The following CSTF3 variants were observed in gnomAD, a reference collection of about 807,000 sequenced individuals.
The protein encoded by CSTF3 is CF-1 77 kDa subunit.
CSTF3 carries 29 observed loss-of-function variants against 105.8 expected under a neutral mutation model. The observed-to-expected ratio is 0.27, with a 90% CI of 0.20 to 0.37. The LOEUF is 0.37. CSTF3 is among the 10% of genes least tolerant of loss of function. The pLI is 1.00. For synonymous variants in CSTF3, 252 were observed against 281.9 expected (o/e 0.89, Z 1.06); for missense variants, 357 against 879.3 (o/e 0.41, Z 7.51).
chr11:33,085,362 C>CTTTACTTTATAG (rs1564999965), intron 20 of CSTF3, 73 bp from the exon 21 acceptor site: 43 of 1,207,264 alleles, frequency 3.6e-5, no homozygotes, highest in Non-Finnish European at 4.8e-5. Context: ...ACTGTGGATA[C>CTTTACTTTATAG]TTTATTTCAT....
At chr11:33,108,077 AAC>A (rs1403746153) in intron 4 of CSTF3, 77 bp from the exon 5 acceptor site, 41 of 898,968 alleles carry the variant, frequency 4.6e-5, no homozygotes, top group Non-Finnish European at 6.3e-5. Flanking sequence ...GAACATTAAA[AAC>A]ACAAATTCAG....
At chr11:33,144,341 G>A (rs1476531595) in intron 1 of CSTF3, among the ~76,000 whole-genome samples, 4 of 152,060 alleles carry the variant, frequency 2.6e-5, no homozygotes, top group Non-Finnish European at 5.9e-5. Flanking sequence ...TTAAAATTAG[G>A]ATGCTTTCCT....
Position 33,127,175 on chromosome 11 carries a change from T to C in CSTF3, c.225+14492A>G, listed in dbSNP as rs148334621. Among the ~76,000 whole-genome samples, 769 of 152,314 alleles carry C rather than the reference T, an allele frequency of 5.0e-3. 8 individuals are homozygous for C. The highest frequency in any genetic ancestry group is 7.2e-3 in the Non-Finnish European group (487 of 68,014). On this transcript the variant is annotated intron_variant, in intron 3 of 20. Transcript: ENST00000323959. ...GACTTTACTATTAATATGTGGATTA[T>C]CTATCATGCAGACATTATGCACAAA...
chr11:33,102,400 TG>T, intron 9 of CSTF3, 61 bp from the exon 10 acceptor site: 1 of 1,539,508 alleles, frequency 6.5e-7, no homozygotes, highest in East Asian at 2.2e-5. Flanking sequence ...ATATGGCGGA[TG>T]GGGTAGATCA....
At chr11:33,141,598 A>C (rs1193553615) in intron 3 of CSTF3, 69 bp downstream of exon 3, 2 of 1,516,150 alleles carry the variant, frequency 1.3e-6, no homozygotes, top group South Asian at 2.7e-5. Context: ...CTATGTTCCT[A>C]ACTTGTTTTC....
intron 3 of CSTF3, among the ~76,000 whole-genome samples, chr11:33,109,074 G>C (rs1007078308): frequency 6.6e-6 from 1 of 152,134 alleles, no homozygotes; most frequent in Non-Finnish European, 1.5e-5. Context: ...AAAGATTTCC[G>C]GGAAAAAGAT....
intron 17 of CSTF3, among the ~76,000 whole-genome samples, chr11:33,089,857 G>C (rs1421086213): frequency 6.6e-6 from 1 of 152,188 alleles, no homozygotes; most frequent in Non-Finnish European, 1.5e-5. Context: ...GTCACAGAAA[G>C]ATTAAGAGAT....
At chr11:33,100,354 CA>C (rs71034652) in intron 10 of CSTF3, among the ~76,000 whole-genome samples, 16,722 of 126,916 alleles carry the variant, frequency 0.13, 2,525 homozygotes, top group African/African-American at 0.39. Flanking sequence ...GACTCCATCT[CA>C]AAAAAAAAAA....
At chr11:33,121,696 T>C (rs566250656) in intron 3 of CSTF3, among the ~76,000 whole-genome samples, 2 of 152,174 alleles carry the variant, frequency 1.3e-5, no homozygotes, top group African/African-American at 4.8e-5. Context: ...GTAAAGACAG[T>C]TGAAGGGAAA....
intron 20 of CSTF3, 119 bp from the exon 21 acceptor site, chr11:33,085,408 C>A (rs1160661626): frequency 1.9e-5 from 15 of 808,556 alleles, no homozygotes; most frequent in Non-Finnish European, 2.4e-5. Flanking sequence ...GATAGTACTA[C>A]TGATACTAAA....
chr11:33,106,153 T>A, intron 5 of CSTF3, 89 bp from the exon 6 acceptor site: 1 of 953,374 alleles, frequency 1.0e-6, no homozygotes, highest in Non-Finnish European at 1.7e-6. Context: ...CTCATGCCTG[T>A]AATCCCACTG....
At chr11:33,097,401 G>A (rs1022798858) in intron 13 of CSTF3, among the ~76,000 whole-genome samples, 12 of 151,846 alleles carry the variant, frequency 7.9e-5, no homozygotes, top group African/African-American at 2.9e-4. Flanking sequence ...ACGGAGTCTC[G>A]CTCTGTTGCC....
At position 33,099,409 on chromosome 11, in the gene CSTF3, T is replaced by C. The variant is rs1036223030; in HGVS notation, c.936+199A>G. 6.6e-6 allele frequency among the ~76,000 whole-genome samples: 1 copy of C among 152,354 alleles called. No homozygotes were observed. The highest frequency in any genetic ancestry group is 1.9e-4 in the East Asian group (1 of 5,196). ...AAGTACTCTAAATGATTCATTACTTTGATACGTTAAAAAACTGCCAGTTTA... is the reference window on the plus strand; with the variant it reads ...AAGTACTCTAAATGATTCATTACTTCGATACGTTAAAAAACTGCCAGTTTA... On this transcript the variant is annotated intron_variant, in intron 11 of 20. Transcript: ENST00000323959. The surrounding 1 kb of genome is among the most constrained non-coding windows in gnomAD (Gnocchi z 4.1).
intron 3 of CSTF3, among the ~76,000 whole-genome samples, chr11:33,110,447 C>G (rs1263971078): frequency 6.6e-6 from 1 of 152,192 alleles, no homozygotes; most frequent in African/African-American, 2.4e-5. Context: ...TGGGCCTCTT[C>G]TTTGAGATTC....
chr11:33,149,246 A>G (rs1022158503), intron 1 of CSTF3, among the ~76,000 whole-genome samples: 2 of 152,208 alleles, frequency 1.3e-5, no homozygotes, highest in Non-Finnish European at 2.9e-5. Flanking sequence ...TGCATCACTA[A>G]ATGTTTTTTT....
chr11:33,158,003 T>C (rs1371723537), intron 1 of CSTF3, among the ~76,000 whole-genome samples: 1 of 152,206 alleles, frequency 6.6e-6, no homozygotes, highest in Non-Finnish European at 1.5e-5. Context: ...ATATTTTCCA[T>C]CCTTAAGGTG....
intron 3 of CSTF3, among the ~76,000 whole-genome samples, chr11:33,110,499 A>C (rs1855369151): frequency 6.6e-6 from 1 of 152,226 alleles, no homozygotes; most frequent in African/African-American, 2.4e-5. Context: ...TGCTTGGCTT[A>C]GTAGAGGTAA....
rs1302596888 is a variant in CSTF3, at chr11:33,126,308, T to C, written c.225+15359A>G. Among the ~76,000 whole-genome samples, 6 of 152,100 alleles carry C rather than the reference T, an allele frequency of 3.9e-5. No homozygotes were observed. The East Asian group carries it at 1.2e-3, about 30-fold the overall frequency. Reference sequence around the variant, plus strand: ...TGTCTCTACAATTAATCAGGCGTGGTGGCCTGCAACTGTGGTCTTGGCTAC... The same window carrying C: ...TGTCTCTACAATTAATCAGGCGTGGCGGCCTGCAACTGTGGTCTTGGCTAC... On this transcript the variant is annotated intron_variant, in intron 3 of 20. Coordinates refer to ENST00000323959, the MANE Select transcript of CSTF3 (RefSeq NM_001326.3).
chr11:33,139,090 A>G (rs1855683181), intron 3 of CSTF3, among the ~76,000 whole-genome samples: 1 of 151,906 alleles, frequency 6.6e-6, no homozygotes, highest in Admixed American at 6.6e-5. Flanking sequence ...ACCTTTTTTA[A>G]AAGTAATTAA....
Sources: allele counts gnomAD v4.1 joint callset (sites outside exome capture counted in the v4.1 genomes callset), GRCh38; gene constraint gnomAD v4.1.1; non-coding constraint Gnocchi (gnomAD v3.1); transcripts MANE v1.5; gene names NCBI Gene and HGNC (gene_info 2026-07-23, HGNC 2026-07-21).